The following RALYL variants were observed in gnomAD, a reference collection of about 807,000 sequenced individuals.
The protein encoded by RALYL is RALY RNA binding protein like.
In RALYL, 29 loss-of-function variants were observed where a neutral mutation model predicts 35.1. The observed-to-expected ratio is 0.83, with a 90% CI of 0.61 to 1.13. The LOEUF (loss-of-function observed/expected upper bound fraction) is 1.13, where lower values mean the gene tolerates loss of function less well. Among genes scored for constraint, RALYL ranks in the 50% most tolerant of loss-of-function variants. RALYL has a pLI of 0.00. For synonymous variants in RALYL, 120 were observed against 127.6 expected (o/e 0.94, Z 0.40); for missense variants, 359 against 360.4 (o/e 1.00, Z 0.03).
At chr8:84,896,139 C>A (rs1490628778) in intron 8 of RALYL, among the ~76,000 whole-genome samples, 5 of 152,138 alleles carry the variant, frequency 3.3e-5, no homozygotes, top group Admixed American at 6.6e-5. Flanking sequence ...TTGTGAGAAC[C>A]AGTATGACTC....
intron 2 of RALYL, among the ~76,000 whole-genome samples, chr8:84,590,056 T>C (rs181983084): frequency 2.6e-5 from 4 of 152,326 alleles, no homozygotes; most frequent in Admixed American, 6.5e-5. Context: ...CTTTGTTCTG[T>C]ACATTTTGGA....
chr8:84,413,372 G>T (rs1051354030), intron 1 of RALYL, among the ~76,000 whole-genome samples: 1 of 151,528 alleles, frequency 6.6e-6, no homozygotes, highest in African/African-American at 2.4e-5. Flanking sequence ...TTGGGAAAAA[G>T]TAGGTGTTAG....
chr8:84,362,869 A>G (rs1291682499), intron 1 of RALYL, among the ~76,000 whole-genome samples: 2 of 152,182 alleles, frequency 1.3e-5, no homozygotes, highest in African/African-American at 2.4e-5. Context: ...GTAGAAAAAT[A>G]GAAGAACCAC....
intron 8 of RALYL, among the ~76,000 whole-genome samples, chr8:84,915,701 A>C (rs923061117): frequency 2.6e-5 from 4 of 152,060 alleles, no homozygotes; most frequent in African/African-American, 9.7e-5. Context: ...CAGCTTCACC[A>C]CTGAACCACT....
At chr8:84,288,503 T>A (rs1251280734) in intron 1 of RALYL, among the ~76,000 whole-genome samples, 1 of 149,076 alleles carries the variant, frequency 6.7e-6, no homozygotes, top group Non-Finnish European at 1.5e-5. Context: ...TTACATGAAA[T>A]TCTGTGTGGA....
chr8:84,696,437 C>T (rs1443303933), intron 2 of RALYL, among the ~76,000 whole-genome samples: 2 of 151,754 alleles, frequency 1.3e-5, no homozygotes, highest in Non-Finnish European at 2.9e-5. Flanking sequence ...TTCCTACAAA[C>T]GTTTCTTTAA....
At chr8:84,414,239 T>C (rs2044388721) in intron 1 of RALYL, among the ~76,000 whole-genome samples, 1 of 152,180 alleles carries the variant, frequency 6.6e-6, no homozygotes, top group East Asian at 1.9e-4. Flanking sequence ...TAATTATTTT[T>C]TGTAGCAAAG....
At chr8:84,537,224 C>T (rs957495738) in intron 2 of RALYL, among the ~76,000 whole-genome samples, 5 of 150,460 alleles carry the variant, frequency 3.3e-5, no homozygotes, top group African/African-American at 1.2e-4. Flanking sequence ...AATCTCAGCA[C>T]TTTGAGAGGC....
chr8:84,849,876 A>C (rs1835467260), intron 4 of RALYL, 104 bp from the exon 5 acceptor site: 4 of 627,284 alleles, frequency 6.4e-6, no homozygotes, highest in Non-Finnish European at 1.1e-5. Flanking sequence ...TTGAAAAATA[A>C]ATATTTTAAA....
intron 1 of RALYL, among the ~76,000 whole-genome samples, chr8:84,459,904 G>A (rs1255152934): frequency 2.0e-5 from 3 of 151,710 alleles, no homozygotes; most frequent in South Asian, 4.1e-4. Flanking sequence ...TGCTTCTTTG[G>A]AAGTTCATAG....
At chr8:84,317,690 A>G (rs1336084747) in intron 1 of RALYL, among the ~76,000 whole-genome samples, 3 of 152,180 alleles carry the variant, frequency 2.0e-5, no homozygotes, top group Non-Finnish European at 4.4e-5. Flanking sequence ...ACCAGGATGG[A>G]AGAGAGAAGG....
chr8:84,882,058 T>C (rs924837466), intron 7 of RALYL, among the ~76,000 whole-genome samples: 1 of 152,014 alleles, frequency 6.6e-6, no homozygotes, highest in African/African-American at 2.4e-5. Context: ...AGTTAATGAA[T>C]CTTACATGGT....
intron 1 of RALYL, among the ~76,000 whole-genome samples, chr8:84,277,486 C>G (rs1835643178): frequency 6.6e-6 from 1 of 152,156 alleles, no homozygotes; most frequent in Admixed American, 6.5e-5. Context: ...CCTCACATTT[C>G]AAAACCAATC....
At chr8:84,730,586 A>C (rs1281467167) in intron 2 of RALYL, among the ~76,000 whole-genome samples, 2 of 152,138 alleles carry the variant, frequency 1.3e-5, no homozygotes, top group Non-Finnish European at 2.9e-5. Context: ...GAAAAGAGGA[A>C]GTCAAATTGT....
intron 2 of RALYL, among the ~76,000 whole-genome samples, chr8:84,558,787 T>G (rs907559349): frequency 6.6e-6 from 1 of 152,118 alleles, no homozygotes; most frequent in South Asian, 2.1e-4. Context: ...TCAGTGAGGA[T>G]TGTCCTCTGT....
chr8:84,902,753 G>T (rs946380586), intron 8 of RALYL, among the ~76,000 whole-genome samples: 1 of 152,146 alleles, frequency 6.6e-6, no homozygotes, highest in Admixed American at 6.5e-5. Flanking sequence ...CTGAGTCTCT[G>T]AGGCTCACTT....
At chr8:84,730,411 T>A (rs958628192) in intron 2 of RALYL, among the ~76,000 whole-genome samples, 104 of 152,136 alleles carry the variant, frequency 6.8e-4, no homozygotes, top group African/African-American at 2.4e-3. Flanking sequence ...ATCTATGACA[T>A]ACCCACAGCC....
intron 1 of RALYL, among the ~76,000 whole-genome samples, chr8:84,495,323 C>T (rs1337499737): frequency 1.3e-5 from 2 of 152,028 alleles, no homozygotes; most frequent in Admixed American, 6.6e-5. Context: ...ACAGGTTCTA[C>T]CTCTTTTCGG....
intron 2 of RALYL, among the ~76,000 whole-genome samples, chr8:84,621,563 C>G (rs182086375): frequency 5.3e-5 from 8 of 151,400 alleles, no homozygotes; most frequent in Non-Finnish European, 1.2e-4. Flanking sequence ...TCTTCGGCGT[C>G]GCTCACGCTG....
Sources: allele counts gnomAD v4.1 joint callset (sites outside exome capture counted in the v4.1 genomes callset), GRCh38; gene constraint gnomAD v4.1.1; transcripts MANE v1.5; gene names NCBI Gene and HGNC (gene_info 2026-07-23, HGNC 2026-07-21).